Variants in SCFD2 observed in about 807,000 individuals in gnomAD.
SCFD2 encodes sec1 family domain containing 2, also known as sec1 family domain-containing protein 2.
SCFD2 carries 54 observed loss-of-function variants against 58.9 expected under a neutral mutation model. The ratio of observed to expected loss-of-function variants is 0.92; its 90% CI spans 0.74 to 1.15. The LOEUF (loss-of-function observed/expected upper bound fraction) is 1.15, where lower values mean the gene tolerates loss of function less well. Among genes scored for constraint, SCFD2 ranks in the 50% most tolerant of loss-of-function variants. SCFD2 has a pLI of 0.00. For synonymous variants in SCFD2, 321 were observed against 335.9 expected (o/e 0.96, Z 0.49); for missense variants, 805 against 836.6 (o/e 0.96, Z 0.47).
chr4:53,169,102 G>A (rs1373223068), intron 4 of SCFD2, among the ~76,000 whole-genome samples: 2 of 152,200 alleles, frequency 1.3e-5, no homozygotes, highest in Middle Eastern at 6.3e-3. Context: ...TAGGCCGGGC[G>A]TGGTGGCTCA....
intron 8 of SCFD2, among the ~76,000 whole-genome samples, chr4:52,878,666 G>C (rs759595073): frequency 6.6e-6 from 1 of 152,136 alleles, no homozygotes; most frequent in Non-Finnish European, 1.5e-5. Context: ...TTTGAAATTG[G>C]CTGATCAGAT....
At chr4:53,050,956 C>T (rs1723174155) in intron 5 of SCFD2, among the ~76,000 whole-genome samples, 1 of 152,190 alleles carries the variant, frequency 6.6e-6, no homozygotes, top group Admixed American at 6.5e-5. Flanking sequence ...TTGATTAGGT[C>T]AGATCTCCTG....
intron 2 of SCFD2, among the ~76,000 whole-genome samples, chr4:53,324,720 G>T (rs528577288): frequency 2.0e-5 from 3 of 152,096 alleles, no homozygotes; most frequent in African/African-American, 7.2e-5. Flanking sequence ...GGTACATGGC[G>T]CTGGGGTGAT....
chr4:53,306,662 T>C (rs1732523458), intron 3 of SCFD2, among the ~76,000 whole-genome samples: 1 of 152,136 alleles, frequency 6.6e-6, no homozygotes, highest in Non-Finnish European at 1.5e-5. Context: ...GGACATGACA[T>C]GTACACTATC....
intron 4 of SCFD2, among the ~76,000 whole-genome samples, chr4:53,220,962 C>T (rs542614625): frequency 1.2e-4 from 19 of 152,302 alleles, no homozygotes; most frequent in Admixed American, 7.2e-4. Flanking sequence ...TCACCTGCAT[C>T]GTGATGTTTA....
At chr4:53,177,866 G>A (rs937754541) in intron 4 of SCFD2, among the ~76,000 whole-genome samples, 3 of 152,182 alleles carry the variant, frequency 2.0e-5, no homozygotes, top group Non-Finnish European at 4.4e-5. Flanking sequence ...TCCTGCACCT[G>A]GCTCAGAGGG....
chr4:53,209,146 A>G (rs977864159), intron 4 of SCFD2, among the ~76,000 whole-genome samples: 2 of 152,118 alleles, frequency 1.3e-5, no homozygotes, highest in Non-Finnish European at 2.9e-5. Flanking sequence ...ATAGTAAGGG[A>G]TATACGGTCA....
intron 7 of SCFD2, among the ~76,000 whole-genome samples, chr4:52,897,905 T>C (rs1023809684): frequency 2.0e-5 from 3 of 152,252 alleles, no homozygotes; most frequent in African/African-American, 7.2e-5. Context: ...TGTCGAGGAA[T>C]TTATCTATTT....
intron 4 of SCFD2, among the ~76,000 whole-genome samples, chr4:53,250,980 A>G (rs183339485): frequency 3.9e-5 from 6 of 152,048 alleles, no homozygotes; most frequent in East Asian, 1.9e-4. Flanking sequence ...AAGATCAACA[A>G]ACTTGATAGA....
At chr4:53,063,104 A>G (rs1203534109) in intron 5 of SCFD2, among the ~76,000 whole-genome samples, 1 of 152,202 alleles carries the variant, frequency 6.6e-6, no homozygotes, top group East Asian at 1.9e-4. Context: ...AAGGTTTTGC[A>G]TACAAAAATA....
intron 5 of SCFD2, among the ~76,000 whole-genome samples, chr4:53,119,045 C>T (rs942641182): frequency 6.6e-5 from 10 of 151,978 alleles, no homozygotes; most frequent in African/African-American, 2.2e-4. Flanking sequence ...TGTCTGGGCA[C>T]GGTGGCTCAT....
intron 3 of SCFD2, among the ~76,000 whole-genome samples, chr4:53,297,082 T>C (rs1188484972): frequency 6.6e-6 from 1 of 152,170 alleles, no homozygotes; most frequent in Non-Finnish European, 1.5e-5. Context: ...TTAGAATCAG[T>C]GTGGTGTGGT....
chr4:53,297,735 G>A (rs1416045255), intron 3 of SCFD2, among the ~76,000 whole-genome samples: 1 of 152,168 alleles, frequency 6.6e-6, no homozygotes, highest in East Asian at 1.9e-4. Flanking sequence ...AGTTGATGCA[G>A]TTTCTTCAAA....
At chr4:53,194,382 CT>C (rs1426126533) in intron 4 of SCFD2, among the ~76,000 whole-genome samples, 1 of 152,272 alleles carries the variant, frequency 6.6e-6, no homozygotes, top group African/African-American at 2.4e-5. Flanking sequence ...TCACTATTAT[CT>C]ATTAAAACCT....
chr4:52,890,361 TA>T (rs917342773), intron 7 of SCFD2, among the ~76,000 whole-genome samples: 3 of 152,220 alleles, frequency 2.0e-5, no homozygotes, highest in African/African-American at 7.2e-5. Flanking sequence ...TTGGTTTTGG[TA>T]CAAATAAATG....
chr4:53,178,094 C>A (rs1473512768), intron 4 of SCFD2, among the ~76,000 whole-genome samples: 1 of 152,208 alleles, frequency 6.6e-6, no homozygotes, highest in African/African-American at 2.4e-5. Flanking sequence ...AGGGCACAGA[C>A]AAATGTAAAG....
intron 5 of SCFD2, among the ~76,000 whole-genome samples, chr4:52,925,722 G>A (rs1426441920): frequency 1.3e-5 from 2 of 152,134 alleles, no homozygotes; most frequent in African/African-American, 4.8e-5. Flanking sequence ...AATCCACTTA[G>A]TTAAACAGAT....
chr4:53,318,477 C>T (rs1260972507), intron 2 of SCFD2, among the ~76,000 whole-genome samples: 1 of 152,056 alleles, frequency 6.6e-6, no homozygotes, highest in Non-Finnish European at 1.5e-5. Context: ...TTCAGCAGGA[C>T]TCTACCTAAC....
rs113617350 is a variant in SCFD2 at position 53,239,466 on chromosome 4, G to A, written c.1311+34360C>T. On this transcript the variant is annotated intron_variant, in intron 4 of 8. Transcript: ENST00000401642. ...AGAGGGAGAGGGAGAGGGAGAGAGC[G>A]TCCCCAATCTTTTAAGTCAAAGTCA... 2.3e-3 allele frequency among the ~76,000 whole-genome samples: 337 copies of A among 149,766 alleles called. 2 individuals are homozygous for A. Among genetic ancestry groups the A allele is most frequent in the Non-Finnish European group, 8.9e-4 (60 of 67,208 alleles).
Sources: gnomAD v4.1 joint callset for allele counts (sites outside exome capture counted in the v4.1 genomes callset) on GRCh38, gnomAD v4.1.1 for gene constraint, MANE v1.5 for transcripts, NCBI Gene and HGNC (gene_info 2026-07-23, HGNC 2026-07-21) for gene names.